The following CCNY variants were observed in gnomAD, a reference collection of about 807,000 sequenced individuals.
The protein encoded by CCNY is cyclin-Y.
A neutral mutation model predicts 42.8 loss-of-function variants in CCNY; 19 were observed. That is an observed-to-expected ratio of 0.44 (90% CI 0.31 to 0.65). The LOEUF (loss-of-function observed/expected upper bound fraction) is 0.65. Among genes scored for constraint, CCNY ranks in the 30% least tolerant of loss-of-function variants. The pLI, the probability that CCNY is intolerant of heterozygous loss-of-function variation, is 0.07. For synonymous variants in CCNY, 165 were observed against 162.7 expected (o/e 1.01, Z -0.11); for missense variants, 370 against 437.3 (o/e 0.85, Z 1.37).
chr10:35,398,381 G>A (rs1486678552), intron 1 of CCNY, among the ~76,000 whole-genome samples: 1 of 152,240 alleles, frequency 6.6e-6, no homozygotes, highest in African/African-American at 2.4e-5. Context: ...TGACCAACAC[G>A]TGTCCTTTTG....
rs574045855 is a variant in CCNY, at chr10:35,542,768, C to G, written c.580-10251C>G. The stretch of plus-strand genomic sequence containing the variant: ...ATTGAGTCTGACCCTGAAAGACTTC[C>G]TTTATGGGTCACTTTTAATAGATTC... On this transcript the variant is annotated intron_variant, in intron 7 of 9. Coordinates refer to ENST00000374704, the MANE Select transcript of CCNY (RefSeq NM_145012.6). Among the ~76,000 whole-genome samples the G allele has an allele frequency of 4.6e-5, 7 of 152,294 alleles. No homozygotes were observed. In the South Asian group the frequency reaches 1.5e-3, roughly 32 times the overall value.
At chr10:35,311,189 A>G (rs1835679642) in intron 3 of CCNY, among the ~76,000 whole-genome samples, 1 of 152,052 alleles carries the variant, frequency 6.6e-6, no homozygotes, top group South Asian at 2.1e-4. Context: ...ACGGTGGTGC[A>G]TTCCTGTAGT....
chr10:35,278,319 C>T (rs567950731), intron 3 of CCNY, among the ~76,000 whole-genome samples: 4 of 152,012 alleles, frequency 2.6e-5, no homozygotes, highest in Non-Finnish European at 5.9e-5. Context: ...GAGCACACGC[C>T]GAAGGAGCTG....
At chr10:35,388,654 G>C (rs1453173582) in intron 1 of CCNY, among the ~76,000 whole-genome samples, 3 of 152,178 alleles carry the variant, frequency 2.0e-5, no homozygotes, top group Admixed American at 1.3e-4. Flanking sequence ...CAACAGAAAG[G>C]CTCTGTGTTC....
At chr10:35,346,697 C>T (rs1836311005) in intron 1 of CCNY, among the ~76,000 whole-genome samples, 1 of 152,218 alleles carries the variant, frequency 6.6e-6, no homozygotes, top group Admixed American at 6.5e-5. Context: ...GTGGCGTTAG[C>T]TCACTGCAAA....
At chr10:35,547,357 A>C (rs1841137874) in intron 7 of CCNY, among the ~76,000 whole-genome samples, 1 of 152,156 alleles carries the variant, frequency 6.6e-6, no homozygotes, top group African/African-American at 2.4e-5. Context: ...TCACACTCAA[A>C]TGCTATTGTT....
chr10:35,406,431 C>G (rs2135238727), intron 1 of CCNY, among the ~76,000 whole-genome samples: 2 of 151,846 alleles, frequency 1.3e-5, no homozygotes, highest in East Asian at 3.9e-4. Flanking sequence ...GGTGATGACT[C>G]TCAACGAGCA....
At chr10:35,540,111 A>G (rs1840969088) in intron 7 of CCNY, among the ~76,000 whole-genome samples, 1 of 152,186 alleles carries the variant, frequency 6.6e-6, no homozygotes, top group South Asian at 2.1e-4. Context: ...AGTGTTGAAT[A>G]GAAGTATCAC....
chr10:35,371,898 A>T (rs1324629164), intron 1 of CCNY, among the ~76,000 whole-genome samples: 2 of 152,216 alleles, frequency 1.3e-5, no homozygotes, highest in Admixed American at 6.5e-5. Flanking sequence ...AGCAAGTTTC[A>T]TTGCATGAGT....
intron 1 of CCNY, among the ~76,000 whole-genome samples, chr10:35,460,026 T>G (rs1839123292): frequency 6.6e-6 from 1 of 152,198 alleles, no homozygotes; most frequent in South Asian, 2.1e-4. Flanking sequence ...ACAAAAGCTG[T>G]GAAGACCTCC....
chr10:35,460,962 T>C (rs537243840), intron 1 of CCNY, among the ~76,000 whole-genome samples: 111 of 152,292 alleles, frequency 7.3e-4, no homozygotes, highest in African/African-American at 2.6e-3. Flanking sequence ...CATCCACTTA[T>C]TATAAACTGA....
intron 1 of CCNY, among the ~76,000 whole-genome samples, chr10:35,414,656 C>T (rs1837986615): frequency 6.6e-6 from 1 of 152,208 alleles, no homozygotes; most frequent in Admixed American, 6.5e-5. Flanking sequence ...GAGTAGGACT[C>T]CGTGATACAT....
At chr10:35,456,335 G>C (rs1444352105) in intron 1 of CCNY, among the ~76,000 whole-genome samples, 1 of 152,234 alleles carries the variant, frequency 6.6e-6, no homozygotes, top group Non-Finnish European at 1.5e-5. Flanking sequence ...AAAGAGAATG[G>C]AGCTTCTGTT....
intron 1 of CCNY, among the ~76,000 whole-genome samples, chr10:35,397,530 G>T (rs1837551824): frequency 2.6e-5 from 4 of 152,148 alleles, no homozygotes. Flanking sequence ...CCCTGGATTG[G>T]GGAGGAGGAA....
chr10:35,530,470 A>G lies in CCNY; in HGVS notation c.579+227A>G, dbSNP rs1476913970. Among the ~76,000 whole-genome samples, 1 of 152,252 alleles carries G rather than the reference A, an allele frequency of 6.6e-6. No individual in the cohort carries two copies. Among genetic ancestry groups the G allele is most frequent in the Non-Finnish European group, 1.5e-5 (1 of 68,046 alleles). ...GCCCCCACCTAAAGTCATTTGTGAA[A>G]TCACGTTCAAATCCAGGAAATGCTG... is the stretch of plus-strand genomic sequence containing the variant. On this transcript the variant is annotated intron_variant, in intron 7 of 9. Coordinates refer to ENST00000374704, the MANE Select transcript of CCNY (RefSeq NM_145012.6). The surrounding 1 kb of genome is among the most constrained non-coding windows in gnomAD (Gnocchi z 4.3).
At chr10:35,301,462 A>T (rs563434775) in intron 3 of CCNY, among the ~76,000 whole-genome samples, 6,384 of 152,258 alleles carry the variant, frequency 0.042, 181 homozygotes, top group Non-Finnish European at 0.061. Flanking sequence ...CTTCACTTCC[A>T]TGTAGTCCAT....
chr10:35,534,626 C>T (rs1030056477), intron 7 of CCNY, among the ~76,000 whole-genome samples: 5 of 152,026 alleles, frequency 3.3e-5, no homozygotes, highest in Non-Finnish European at 7.4e-5. Context: ...ACAATTCAGC[C>T]ATTTAAAGTG....
intron 3 of CCNY, among the ~76,000 whole-genome samples, chr10:35,303,600 A>G (rs1352113083): frequency 1.3e-5 from 2 of 150,940 alleles, no homozygotes; most frequent in African/African-American, 4.9e-5. Context: ...CAACATGGAG[A>G]AACCCCATCT....
intron 3 of CCNY, among the ~76,000 whole-genome samples, chr10:35,269,091 T>A (rs2095728490): frequency 6.6e-6 from 1 of 152,264 alleles, no homozygotes; most frequent in South Asian, 2.1e-4. Flanking sequence ...TTAAGAATAC[T>A]TTTTAAAGAT....
Sources: allele counts gnomAD v4.1 joint callset (sites outside exome capture counted in the v4.1 genomes callset), GRCh38; gene constraint gnomAD v4.1.1; non-coding constraint Gnocchi (gnomAD v3.1); transcripts MANE v1.5; gene names NCBI Gene and HGNC (gene_info 2026-07-23, HGNC 2026-07-21).